The following DNTTIP1 variants were observed in gnomAD, a reference collection of about 807,000 sequenced individuals.
DNTTIP1 encodes the protein deoxynucleotidyltransferase terminal-interacting protein 1.
In DNTTIP1, 22 loss-of-function variants were observed where a neutral mutation model predicts 52.9. That is an observed-to-expected ratio of 0.42 (90% CI 0.30 to 0.59). The LOEUF is 0.59. Ranked by LOEUF, DNTTIP1 falls within the 20% of genes least tolerant of loss-of-function variation. The pLI is 0.22. For missense variants in DNTTIP1, 286 were observed against 435.5 expected (o/e 0.66, Z 3.06); for synonymous variants, 136 against 155.1 (o/e 0.88, Z 0.92).
At chr20:45,794,810 T>C (rs1027897172) in intron 3 of DNTTIP1, among the ~76,000 whole-genome samples, 1 of 149,932 alleles carries the variant, frequency 6.7e-6, no homozygotes, top group African/African-American at 2.4e-5. Context: ...AATTTTTTTT[T>C]TTTTTTTTGA....
intron 7 of DNTTIP1, among the ~76,000 whole-genome samples, chr20:45,802,279 A>AG (rs1406321069): frequency 3.3e-5 from 5 of 151,886 alleles, no homozygotes; most frequent in Non-Finnish European, 1.5e-5. Flanking sequence ...GAAAGATTAA[A>AG]CTCCAGAGGT....
chr20:45,792,849 A>T, intron 2 of DNTTIP1, 102 bp downstream of exon 2: 1 of 1,046,898 alleles, frequency 9.6e-7, no homozygotes, highest in Non-Finnish European at 1.4e-6. Context: ...AGCCGGTAGA[A>T]AGAGCACAGG....
intron 7 of DNTTIP1, among the ~76,000 whole-genome samples, chr20:45,802,685 T>C (rs1981513918): frequency 6.6e-6 from 1 of 152,100 alleles, no homozygotes; most frequent in African/African-American, 2.4e-5. Flanking sequence ...TCCATGAGGG[T>C]TCACTCTTGG....
Position 45,801,551 on chromosome 20 carries a change from G to A in DNTTIP1, c.498+93G>A. On this transcript the variant is annotated intron_variant, in intron 6 of 12. Transcript: ENST00000372622. ...ACCTGTAATCCCAACACTTTGGGAG[G>A]CCAAGCGGGGAGGATCACTTGAGCT... The A allele has an allele frequency of 3.0e-6, 4 of 1,322,986 alleles. No individual in the cohort carries two copies. The South Asian group carries it at 3.6e-5, about 12-fold the overall frequency. 82.0% of individuals were successfully genotyped at this position (1,322,986 alleles called of 1,614,324 possible).
At chr20:45,800,393 G>A (rs1047879742) in intron 4 of DNTTIP1, among the ~76,000 whole-genome samples, 2 of 151,602 alleles carry the variant, frequency 1.3e-5, no homozygotes, top group African/African-American at 4.9e-5. Flanking sequence ...TATGTGTGTG[G>A]CTGGGCGTGG....
chr20:45,794,768 G>A (rs894860913), intron 3 of DNTTIP1, among the ~76,000 whole-genome samples: 6 of 146,816 alleles, frequency 4.1e-5, no homozygotes, highest in Non-Finnish European at 6.0e-5. Flanking sequence ...GGGCAACACA[G>A]TGGGACCTCA....
At chr20:45,792,635 TGTCACA>T in intron 1 of DNTTIP1, 36 bp from the exon 2 acceptor site, 3 of 1,517,670 alleles carry the variant, frequency 2.0e-6, no homozygotes, top group Non-Finnish European at 2.7e-6. Context: ...CCCACCCCAG[TGTCACA>T]GGCCGCAGTG....
intron 2 of DNTTIP1, among the ~76,000 whole-genome samples, chr20:45,793,527 C>G (rs1222241772): frequency 6.6e-6 from 1 of 152,030 alleles, no homozygotes; most frequent in Non-Finnish European, 1.5e-5. Flanking sequence ...TGGAGAAACC[C>G]GGTCTCTACT....
chr20:45,795,251 GA>G, intron 3 of DNTTIP1, 93 bp from the exon 4 acceptor site: 1 of 679,524 alleles, frequency 1.5e-6, no homozygotes, highest in Non-Finnish European at 2.5e-6. Flanking sequence ...CCTTCTGTAT[GA>G]AGCTAGGATA....
Position 45,796,690 on chromosome 20 carries a change from C to G in DNTTIP1, c.372+1247C>G, listed in dbSNP as rs1333342136. The G allele has an allele frequency of 7.6e-6, 3 of 392,458 alleles. No individual in the cohort carries two copies. The East Asian group carries it at 2.2e-4, about 29-fold the overall frequency. 24.3% of individuals were successfully genotyped at this position (392,458 alleles called of 1,614,324 possible). ...GAAAGGTCGCCAATAGTCGCTGGCTCACTTTCTCACCTCCTATTCATTCTC... is the reference window on the plus strand; with the variant it reads ...GAAAGGTCGCCAATAGTCGCTGGCTGACTTTCTCACCTCCTATTCATTCTC... On this transcript the variant is annotated intron_variant, in intron 4 of 12. Transcript: ENST00000372622.
rs1459255602 is a variant in DNTTIP1, at chr20:45,803,455, A to G, written c.603+77A>G. 7 of 1,554,074 alleles carry G rather than the reference A, an allele frequency of 4.5e-6. No homozygotes were observed. In the African/African-American group the frequency reaches 9.5e-5, roughly 21 times the overall value. ...TATCTCTAGGACCCACCATGAGGGA[A>G]AGGGGCAGGGGGCGAAGGGTGCATG... On this transcript the variant is annotated intron_variant, in intron 8 of 12. Transcript: ENST00000372622.
intron 4 of DNTTIP1, among the ~76,000 whole-genome samples, chr20:45,799,427 A>G (rs1052429507): frequency 6.6e-6 from 1 of 152,154 alleles, no homozygotes; most frequent in African/African-American, 2.4e-5. Context: ...CTGCTGCACC[A>G]TCTCCCCTCT....
At chr20:45,794,786 T>TAAAA (rs776136479) in intron 3 of DNTTIP1, among the ~76,000 whole-genome samples, 1 of 124,294 alleles carries the variant, frequency 8.0e-6, no homozygotes. Context: ...TCATCTCTAC[T>TAAAA]AAAAAAAAAA....
Position 45,805,142 on chromosome 20 carries a change from A to G in DNTTIP1, c.604-4A>G. On this transcript the variant is annotated splice_region_variant and splice_polypyrimidine_tract_variant and intron_variant, in intron 8 of 12. Transcript: ENST00000372622. ...CCTCACGAGCTTCTCTATTTTTTGCACAGTGGGACCCAGCTCGCCTGAATG... is the reference window on the plus strand; with the variant it reads ...CCTCACGAGCTTCTCTATTTTTTGCGCAGTGGGACCCAGCTCGCCTGAATG... The G allele has an allele frequency of 1.2e-6, 2 of 1,614,130 alleles. No individual in the cohort carries two copies. The highest frequency in any genetic ancestry group is 1.6e-4 in the Middle Eastern group (1 of 6,062).
At chr20:45,806,227 A>G (rs2138546) in intron 10 of DNTTIP1, among the ~76,000 whole-genome samples, 105,265 of 151,324 alleles carry the variant, frequency 0.7, 36,843 homozygotes, top group Admixed American at 0.76. Context: ...ATGATGGCGC[A>G]TGCCTGTTAT....
rs894563539 is a variant in DNTTIP1, at chr20:45,792,445, C to A, written c.106-232C>A. 6.8e-5 allele frequency: 34 copies of A among 501,702 alleles called. No homozygotes were observed. The East Asian group carries it at 1.1e-3, about 16-fold the overall frequency. 31.1% of individuals were successfully genotyped at this position (501,702 alleles called of 1,614,324 possible). ...AGTTGACCCTCGGTAAATACTGCTT[C>A]CCTTCCTCCTGCCGTGCCAGAAGGC... On this transcript the variant is annotated intron_variant, in intron 1 of 12. Coordinates refer to ENST00000372622, the MANE Select transcript of DNTTIP1 (RefSeq NM_052951.3).
intron 10 of DNTTIP1, among the ~76,000 whole-genome samples, chr20:45,806,936 C>T (rs1043653181): frequency 6.6e-6 from 1 of 152,186 alleles, no homozygotes; most frequent in African/African-American, 2.4e-5. Flanking sequence ...TTTGAATTCC[C>T]ACTTCAGCGT....
intron 10 of DNTTIP1, among the ~76,000 whole-genome samples, chr20:45,807,381 A>G (rs1471991706): frequency 1.3e-5 from 2 of 152,084 alleles, no homozygotes; most frequent in Non-Finnish European, 2.9e-5. Context: ...TCAGCCTCCC[A>G]AAGTGCTGGA....
chr20:45,809,010 G>T lies in DNTTIP1; in HGVS notation c.724-104G>T. 1 of 993,358 alleles carries T rather than the reference G, an allele frequency of 1.0e-6. No homozygotes were observed. The highest frequency in any genetic ancestry group is 1.6e-6 in the Non-Finnish European group (1 of 640,870). 61.5% of individuals were successfully genotyped at this position (993,358 alleles called of 1,614,324 possible). On this transcript the variant is annotated intron_variant, in intron 10 of 12. Transcript: ENST00000372622. This position sits in a 1 kb window ranked among gnomAD's most constrained non-coding sequence, Gnocchi z 4.2. ...CTAAGTCCACCACGCTTGGAGACAA[G>T]GACTTTTGGTAAGAACTGCTCAAGG...
Sources: gnomAD v4.1 joint callset for allele counts (sites outside exome capture counted in the v4.1 genomes callset) on GRCh38, gnomAD v4.1.1 for gene constraint, Gnocchi (gnomAD v3.1) non-coding constraint, MANE v1.5 for transcripts, NCBI Gene and HGNC (gene_info 2026-07-23, HGNC 2026-07-21) for gene names.